FHIT: variants seen among roughly 807,000 people sequenced by gnomAD.
FHIT encodes bis(5'-adenosyl)-triphosphatase.
Under a neutral mutation model 17.9 loss-of-function variants are expected in FHIT, and 19 were observed. The observed-to-expected ratio is 1.06, with a 90% CI of 0.74 to 1.56. FHIT has a LOEUF of 1.56. Among genes scored for constraint, FHIT ranks in the 40% most tolerant of loss-of-function variants. The probability of loss-of-function intolerance (pLI) is 0.00; values close to 1 mark genes in which losing one functional copy is unlikely to be tolerated. For synonymous variants in FHIT, 81 were observed against 69.7 expected, an observed-to-expected ratio of 1.16 and a Z score of -0.81; for missense variants, 248 against 189.2, an observed-to-expected ratio of 1.31 and a Z score of -1.82.
intron 3 of FHIT, among the ~76,000 whole-genome samples, chr3:60,838,800 T>A (rs192947669): frequency 6.6e-6 from 1 of 151,734 alleles, no homozygotes; most frequent in Admixed American, 6.6e-5. Context: ...ATTACAATAA[T>A]GTGTGATAAG....
chr3:60,490,342 G>C (rs1439390414), intron 5 of FHIT, among the ~76,000 whole-genome samples: 1 of 151,732 alleles, frequency 6.6e-6, no homozygotes, highest in Non-Finnish European at 1.5e-5. Flanking sequence ...TGTGTTATGG[G>C]TTCTGTGCAC....
chr3:61,225,332 T>C (rs968346034), intron 1 of FHIT, among the ~76,000 whole-genome samples: 3 of 152,272 alleles, frequency 2.0e-5, no homozygotes, highest in African/African-American at 7.2e-5. Flanking sequence ...TAGAGAAAAA[T>C]ATATATATTT....
intron 7 of FHIT, among the ~76,000 whole-genome samples, chr3:59,985,882 T>C (rs1339565086): frequency 6.6e-6 from 1 of 151,898 alleles, no homozygotes; most frequent in Non-Finnish European, 1.5e-5. Flanking sequence ...AAATGAAACC[T>C]ACTTGACACT....
At chr3:60,751,152 C>G (rs901655331) in intron 4 of FHIT, among the ~76,000 whole-genome samples, 1 of 152,170 alleles carries the variant, frequency 6.6e-6, no homozygotes, top group Non-Finnish European at 1.5e-5. Flanking sequence ...ACAGAAGACA[C>G]CAGAGTGTTT....
chr3:60,653,030 T>C (rs2040032435), intron 4 of FHIT, among the ~76,000 whole-genome samples: 2 of 152,144 alleles, frequency 1.3e-5, no homozygotes, highest in African/African-American at 4.8e-5. Flanking sequence ...AAGCTTGCTA[T>C]TCACAAGACC....
intron 4 of FHIT, among the ~76,000 whole-genome samples, chr3:60,814,020 G>A (rs1701652366): frequency 6.6e-6 from 1 of 151,858 alleles, no homozygotes; most frequent in African/African-American, 2.4e-5. Context: ...AGCTGTTCTT[G>A]CTTTTTTATA....
At chr3:60,378,567 A>G (rs1174947559) in intron 5 of FHIT, among the ~76,000 whole-genome samples, 1 of 152,236 alleles carries the variant, frequency 6.6e-6, no homozygotes, top group Admixed American at 6.5e-5. Flanking sequence ...GCCAAGTCCT[A>G]TTATCATTTA....
intron 2 of FHIT, among the ~76,000 whole-genome samples, chr3:61,087,541 T>C (rs569187253): frequency 5.9e-5 from 9 of 152,286 alleles, no homozygotes; most frequent in African/African-American, 1.9e-4. Flanking sequence ...GTATGCAAAG[T>C]GCTTAATACA....
At chr3:60,190,289 G>C (rs1296518646) in intron 5 of FHIT, among the ~76,000 whole-genome samples, 1 of 151,696 alleles carries the variant, frequency 6.6e-6, no homozygotes, top group South Asian at 2.1e-4. Context: ...AGATGGCTGA[G>C]ACAGTTTTCT....
At chr3:59,841,558 G>T (rs1701534628) in intron 8 of FHIT, among the ~76,000 whole-genome samples, 1 of 152,216 alleles carries the variant, frequency 6.6e-6, no homozygotes. Flanking sequence ...GCTTTGGAGG[G>T]CCTACCTCAA....
Position 60,719,805 on chromosome 3 carries a change from T to A in FHIT, c.-18+102114A>T, listed in dbSNP as rs188630269. On this transcript the variant is annotated intron_variant, in intron 4 of 9. Transcript: ENST00000492590. ...GGCATTCATCGTCTACTCCTTTGAA[T>A]CCATCCTCAAGTCCTAAGGTCCACG... Among the ~76,000 whole-genome samples the A allele has an allele frequency of 2.3e-3, 343 of 152,312 alleles. 3 individuals are homozygous for A. The Middle Eastern group carries it at 0.024, about 11-fold the overall frequency.
intron 4 of FHIT, among the ~76,000 whole-genome samples, chr3:60,711,173 G>C (rs1464228178): frequency 6.6e-6 from 1 of 152,156 alleles, no homozygotes; most frequent in Admixed American, 6.5e-5. Flanking sequence ...AGGGTCTGGA[G>C]TGGACCTCTA....
chr3:60,243,526 G>A (rs1000587402), intron 5 of FHIT, among the ~76,000 whole-genome samples: 1 of 152,008 alleles, frequency 6.6e-6, no homozygotes, highest in Admixed American at 6.6e-5. Context: ...CTCAACAAAT[G>A]GCTACATCTT....
At chr3:60,861,914 C>T (rs1703923452) in intron 3 of FHIT, among the ~76,000 whole-genome samples, 9 of 142,280 alleles carry the variant, frequency 6.3e-5, no homozygotes. Context: ...CGCGCCACTG[C>T]ACTGGGCAAC....
At chr3:60,803,246 G>C (rs1553732848) in intron 4 of FHIT, among the ~76,000 whole-genome samples, 7 of 152,166 alleles carry the variant, frequency 4.6e-5, no homozygotes, top group Non-Finnish European at 1.0e-4. Flanking sequence ...CCTGGTGTGT[G>C]CACCGCATGA....
chr3:59,869,494 T>TTTTTTTTTTTTTTTTTTTTTTTA (rs1702815810), intron 8 of FHIT, among the ~76,000 whole-genome samples: 1 of 138,360 alleles, frequency 7.2e-6, no homozygotes, highest in Non-Finnish European at 1.6e-5. Context: ...CTTTTTTTTT[T>TTTTTTTTTTTTTTTTTTTTTTTA]TTTTTTAGAC....
At chr3:60,270,211 A>G (rs1326934766) in intron 5 of FHIT, among the ~76,000 whole-genome samples, 1 of 152,200 alleles carries the variant, frequency 6.6e-6, no homozygotes, top group Non-Finnish European at 1.5e-5. Flanking sequence ...GGCAGCAAAC[A>G]GAGAAAAAGA....
At chr3:60,279,776 A>G (rs1029372878) in intron 5 of FHIT, among the ~76,000 whole-genome samples, 1 of 152,120 alleles carries the variant, frequency 6.6e-6, no homozygotes, top group Admixed American at 6.5e-5. Context: ...CTCAACAAAC[A>G]TTCCTAGCAC....
chr3:60,426,064 T>C (rs1412759141), intron 5 of FHIT, among the ~76,000 whole-genome samples: 1 of 152,148 alleles, frequency 6.6e-6, no homozygotes, highest in African/African-American at 2.4e-5. Context: ...AGAGCATTTG[T>C]ATTAATGCAA....
Sources: allele counts gnomAD v4.1 joint callset (sites outside exome capture counted in the v4.1 genomes callset), GRCh38; gene constraint gnomAD v4.1.1; transcripts MANE v1.5; gene names NCBI Gene and HGNC (gene_info 2026-07-23, HGNC 2026-07-21).